The following XRRA1 variants were observed in gnomAD, a reference collection of about 807,000 sequenced individuals.
XRRA1 encodes X-ray radiation resistance-associated protein 1.
A neutral mutation model predicts 80.2 loss-of-function variants in XRRA1; 69 were observed. That is an observed-to-expected ratio of 0.86 (90% CI 0.71 to 1.05). XRRA1 has a LOEUF of 1.05. Ranked by LOEUF, XRRA1 falls within the 50% of genes least tolerant of loss-of-function variation. The pLI is 0.00. For missense variants in XRRA1, 967 were observed against 976.4 expected (o/e 0.99, Z 0.13); for synonymous variants, 348 against 389.9 (o/e 0.89, Z 1.27).
intron 2 of XRRA1, among the ~76,000 whole-genome samples, chr11:74,944,072 T>C (rs1038822757): frequency 2.0e-5 from 3 of 152,210 alleles, no homozygotes; most frequent in East Asian, 1.9e-4. Context: ...TCCACCCACC[T>C]TGGCCTCCCA....
chr11:74,876,001 G>T (rs1391092058), intron 10 of XRRA1, among the ~76,000 whole-genome samples: 2 of 152,206 alleles, frequency 1.3e-5, no homozygotes, highest in Non-Finnish European at 2.9e-5. Flanking sequence ...AATACATCCT[G>T]GTATGGGTAG....
At chr11:74,848,719 G>A (rs1294249740) in intron 14 of XRRA1, among the ~76,000 whole-genome samples, 3 of 152,202 alleles carry the variant, frequency 2.0e-5, no homozygotes, top group Non-Finnish European at 2.9e-5. Context: ...GGCTTAGAGA[G>A]GTAAAATGAC....
At position 74,848,267 on chromosome 11, in the gene XRRA1, G is replaced by A. The variant is rs371407553; in HGVS notation, c.1576C>T (p.Arg526Trp). The A allele has an allele frequency of 7.7e-5, 125 of 1,613,782 alleles. No homozygotes were observed. The highest frequency in any genetic ancestry group is 1.1e-4 in the East Asian group (5 of 44,886). ...ENLEGHSPSC[R>W]TFVPLPPICS... ...ATGGGAGGCAGTGGCACGAAGGTCCGGCAAGACGGGGAATGGCCTTCCAGG... is the reference window on the plus strand; with the variant it reads ...ATGGGAGGCAGTGGCACGAAGGTCCAGCAAGACGGGGAATGGCCTTCCAGG... Residue 526 changes from arginine to tryptophan, a missense_variant, in exon 15 of 19, where the codon CGG becomes TGG. By Grantham distance (101) the Arg-to-Trp change is moderately radical (BLOSUM62 -3). Coordinates refer to ENST00000684022, the MANE Select transcript of XRRA1 (RefSeq NM_001378157.1).
chr11:74,911,944 C>T (rs535372946), intron 8 of XRRA1, among the ~76,000 whole-genome samples: 18 of 152,262 alleles, frequency 1.2e-4, no homozygotes, highest in East Asian at 1.2e-3. Context: ...ATATGAATTT[C>T]GGATCCTAAA....
intron 17 of XRRA1, 63 bp downstream of exon 17, chr11:74,844,105 C>G (rs1378436120): frequency 6.5e-7 from 1 of 1,528,266 alleles, no homozygotes; most frequent in East Asian, 2.2e-5. Context: ...AGGTGACAGC[C>G]ACATCTGTAA....
intron 8 of XRRA1, chr11:74,910,157 G>A (rs1368754014): frequency 6.6e-6 from 1 of 152,188 alleles, no homozygotes; most frequent in Non-Finnish European, 1.5e-5. Flanking sequence ...TGTCAGATCA[G>A]CTTCTGTGTT....
intron 10 of XRRA1, among the ~76,000 whole-genome samples, chr11:74,902,935 A>T (rs921654735): frequency 6.6e-6 from 1 of 152,244 alleles, no homozygotes; most frequent in African/African-American, 2.4e-5. Flanking sequence ...TTACATGCCT[A>T]TACCAAAATA....
intron 10 of XRRA1, among the ~76,000 whole-genome samples, chr11:74,873,639 C>T (rs894659821): frequency 3.3e-5 from 5 of 152,174 alleles, no homozygotes; most frequent in Non-Finnish European, 7.3e-5. Flanking sequence ...ATGTAGATGA[C>T]ATACTGTTTT....
Position 74,871,661 on chromosome 11 carries a change from C to G in XRRA1, c.1004-8640G>C, listed in dbSNP as rs567050616. Among the ~76,000 whole-genome samples the G allele has an allele frequency of 1.1e-4, 16 of 152,248 alleles. No homozygotes were observed. In the South Asian group the frequency reaches 3.3e-3, roughly 32 times the overall value. On this transcript the variant is annotated intron_variant, in intron 10 of 18. Transcript: ENST00000684022. ...GGGCCCCCTCCAACTGTGCCATCAG[C>G]TCCTCTAGTTCCACTATCTCCAAAA...
chr11:74,930,224 A>G, intron 6 of XRRA1, 76 bp downstream of exon 6: 1 of 1,243,744 alleles, frequency 8.0e-7, no homozygotes, highest in East Asian at 2.5e-5. Flanking sequence ...ATGGTTGGAC[A>G]GACAAATCCT....
intron 3 of XRRA1, among the ~76,000 whole-genome samples, chr11:74,938,173 A>G (rs1377167872): frequency 3.3e-5 from 5 of 152,204 alleles, no homozygotes; most frequent in Non-Finnish European, 5.9e-5. Flanking sequence ...AAAGCCCACT[A>G]TCTCTGCCTT....
chr11:74,942,775 G>C (rs1380194459), intron 2 of XRRA1, among the ~76,000 whole-genome samples: 1 of 152,234 alleles, frequency 6.6e-6, no homozygotes, highest in Admixed American at 6.5e-5. Flanking sequence ...GATTACAGGA[G>C]AAAATGCCTT....
At chr11:74,932,217 A>AT (rs1943774356) in intron 5 of XRRA1, among the ~76,000 whole-genome samples, 1 of 152,148 alleles carries the variant, frequency 6.6e-6, no homozygotes, top group Admixed American at 6.5e-5. Flanking sequence ...TTAGATAGAT[A>AT]TTTTTAATTA....
chr11:74,890,373 A>G (rs894471851), intron 10 of XRRA1, among the ~76,000 whole-genome samples: 128 of 152,248 alleles, frequency 8.4e-4, no homozygotes, highest in Non-Finnish European at 1.6e-3. Context: ...GACACAACAT[A>G]CCAGAATCCC....
At chr11:74,891,430 A>G (rs1453722046) in intron 10 of XRRA1, among the ~76,000 whole-genome samples, 1 of 152,200 alleles carries the variant, frequency 6.6e-6, no homozygotes, top group Non-Finnish European at 1.5e-5. Flanking sequence ...ATTTATGACA[A>G]ACCCACAGCC....
intron 10 of XRRA1, among the ~76,000 whole-genome samples, chr11:74,865,156 G>C (rs143946484): frequency 1.3e-5 from 2 of 151,914 alleles, no homozygotes; most frequent in Non-Finnish European, 2.9e-5. Context: ...GCGGGGCCCA[G>C]TGTCAGCCCT....
intron 10 of XRRA1, among the ~76,000 whole-genome samples, chr11:74,891,053 T>G (rs930559015): frequency 2.0e-5 from 3 of 152,216 alleles, no homozygotes; most frequent in Non-Finnish European, 2.9e-5. Flanking sequence ...ATTCATTTTA[T>G]GAGGCCAGCA....
At chr11:74,878,970 C>G (rs1237364223) in intron 10 of XRRA1, among the ~76,000 whole-genome samples, 2 of 150,698 alleles carry the variant, frequency 1.3e-5, no homozygotes, top group Non-Finnish European at 3.0e-5. Flanking sequence ...TCCATATGAA[C>G]TTTAAAGTAG....
intron 8 of XRRA1, among the ~76,000 whole-genome samples, chr11:74,916,061 G>C (rs866530630): frequency 6.6e-6 from 1 of 152,016 alleles, no homozygotes; most frequent in African/African-American, 2.4e-5. Flanking sequence ...AAGATTCCTT[G>C]TATGTGATGA....
Sources: gnomAD v4.1 joint callset for allele counts (sites outside exome capture counted in the v4.1 genomes callset) on GRCh38, gnomAD v4.1.1 for gene constraint, MANE v1.5 for transcripts, NCBI Gene and HGNC (gene_info 2026-07-23, HGNC 2026-07-21) for gene names.